The following CSMD1 variants were observed in gnomAD, a reference collection of about 807,000 sequenced individuals.
CSMD1 encodes the protein CUB and sushi domain-containing protein 1.
Under a neutral mutation model 417.5 loss-of-function variants are expected in CSMD1, and 213 were observed. The ratio of observed to expected loss-of-function variants is 0.51; its 90% confidence interval spans 0.46 to 0.57. The LOEUF (loss-of-function observed/expected upper bound fraction) is 0.57, where lower values mean the gene tolerates loss of function less well. Ranked by LOEUF, CSMD1 falls within the 20% of genes least tolerant of loss-of-function variation. CSMD1 has a pLI of 0.00. For missense variants in CSMD1, 6,923 were observed against 4,529.7 expected (o/e 1.53, Z -15.17); for synonymous variants, 2,862 against 1,736.8 (o/e 1.65, Z -16.11).
At chr8:4,183,523 C>T (rs561061993) in intron 3 of CSMD1, among the ~76,000 whole-genome samples, 11 of 152,262 alleles carry the variant, frequency 7.2e-5, no homozygotes, top group Non-Finnish European at 1.5e-4. Flanking sequence ...ACAGACATTA[C>T]TGGTTTATTT....
chr8:3,144,024 C>T (rs373125532), intron 40 of CSMD1, among the ~76,000 whole-genome samples: 2 of 152,280 alleles, frequency 1.3e-5, no homozygotes, highest in Admixed American at 6.5e-5. Flanking sequence ...TATGGAGAAA[C>T]TTGGCAGGGA....
At position 4,042,731 on chromosome 8, in the gene CSMD1, G is replaced by C. The variant is rs142777218; in HGVS notation, c.416-10632C>G. On this transcript the variant is annotated intron_variant, in intron 3 of 69. Coordinates refer to ENST00000635120, the MANE Select transcript of CSMD1 (RefSeq NM_033225.6). Reference sequence around the variant, plus strand: ...ATATGTAGAAGTGACAGAAATGACAGCAATACCACAGAGGCTGGGTAAGAA... The same window carrying C: ...ATATGTAGAAGTGACAGAAATGACACCAATACCACAGAGGCTGGGTAAGAA... Among the ~76,000 whole-genome samples the C allele has an allele frequency of 8.1e-5, 12 of 147,892 alleles. No homozygotes were observed. The East Asian group carries it at 1.0e-3, about 12-fold the overall frequency.
At chr8:4,137,114 T>C (rs1803487670) in intron 3 of CSMD1, among the ~76,000 whole-genome samples, 1 of 152,208 alleles carries the variant, frequency 6.6e-6, no homozygotes, top group Non-Finnish European at 1.5e-5. Context: ...ATTTTCAAAA[T>C]GTGGAACAGA....
chr8:3,146,500 G>A (rs1818853389), intron 40 of CSMD1, among the ~76,000 whole-genome samples: 1 of 152,156 alleles, frequency 6.6e-6, no homozygotes, highest in African/African-American at 2.4e-5. Flanking sequence ...TAAAAATAAG[G>A]AAACAAGTTT....
intron 5 of CSMD1, among the ~76,000 whole-genome samples, chr8:3,962,011 T>C (rs1035898796): frequency 6.6e-6 from 1 of 152,160 alleles, no homozygotes; most frequent in Non-Finnish European, 1.5e-5. Context: ...ACATGCGTGC[T>C]TGTGTCATCT....
intron 4 of CSMD1, among the ~76,000 whole-genome samples, chr8:4,028,499 C>CA (rs1797179227): frequency 6.7e-6 from 1 of 149,240 alleles, no homozygotes; most frequent in Admixed American, 6.7e-5. Flanking sequence ...TAACATTTTA[C>CA]AAAAAAAGGA....
At position 3,188,940 on chromosome 8, in the gene CSMD1, T is replaced by G; in HGVS notation, c.5470A>C (p.Asn1824His). 1 of 1,611,822 alleles carries G rather than the reference T, an allele frequency of 6.2e-7. No homozygotes were observed. The highest frequency in any genetic ancestry group is 8.5e-7 in the Non-Finnish European group (1 of 1,178,960). The change falls in exon 35 of 70, where the codon AAC becomes CAC. Residue 1824 changes from asparagine to histidine, a missense_variant. Coordinates refer to ENST00000635120, the MANE Select transcript of CSMD1 (RefSeq NM_033225.6). ...LSPGYPEPYG[N>H]NLNCIWKIIV... ...ATCTTCCATATACAGTTCAAGTTGT[T>G]TCCGTATGGCTCAGGGTAGCCGGGG...
chr8:3,456,075 T>G (rs931047385), intron 12 of CSMD1, among the ~76,000 whole-genome samples: 4 of 152,170 alleles, frequency 2.6e-5, no homozygotes, highest in African/African-American at 7.2e-5. Context: ...GTCTCAGCAA[T>G]GAGCAAGCCT....
At chr8:3,990,472 C>T (rs2554573) in intron 5 of CSMD1, among the ~76,000 whole-genome samples, 61,925 of 151,892 alleles carry the variant, frequency 0.41, 12,857 homozygotes, top group Middle Eastern at 0.48. Context: ...ATGTTTTCTT[C>T]TTCTCTGTTA....
chr8:3,385,161 C>T (rs577879832), intron 18 of CSMD1, among the ~76,000 whole-genome samples: 2 of 127,510 alleles, frequency 1.6e-5, no homozygotes, highest in East Asian at 4.4e-4. Context: ...ATATATAATA[C>T]ATAATATATA....
rs1484210177 is a variant in CSMD1 at position 4,753,444 on chromosome 8, CACAT to C, written c.86-115890_86-115887del. 2.9e-4 allele frequency among the ~76,000 whole-genome samples: 40 copies of C among 137,304 alleles called. 1 individual carries two copies. Among genetic ancestry groups the C allele is most frequent in the Non-Finnish European group, 5.2e-4 (32 of 62,046 alleles). The allele number at this position is 137,304 out of a possible 152,430, so 90.1% of individuals were successfully genotyped here. ...ACACACACACACACACACACACACACACATGCGCACACACTCCTTTGTGTCTTAT... is the reference window on the plus strand; with the variant it reads ...ACACACACACACACACACACACACACGCGCACACACTCCTTTGTGTCTTAT... On this transcript the variant is annotated intron_variant, in intron 1 of 69. Transcript: ENST00000635120.
intron 2 of CSMD1, among the ~76,000 whole-genome samples, chr8:4,441,115 T>TTTTTTTTTTTTTTTTTTTA (rs1563176345): frequency 1.4e-5 from 2 of 139,578 alleles, no homozygotes; most frequent in African/African-American, 5.2e-5. Flanking sequence ...TTTTTTTTTT[T>TTTTTTTTTTTTTTTTTTTA]TTTAAGAGAT....
intron 3 of CSMD1, among the ~76,000 whole-genome samples, chr8:4,047,276 G>A (rs757363990): frequency 6.6e-6 from 1 of 152,084 alleles, no homozygotes; most frequent in Non-Finnish European, 1.5e-5. Flanking sequence ...TTCTGGAGTG[G>A]GAGGAAGGGA....
At chr8:4,234,147 G>C (rs79540842) in intron 3 of CSMD1, among the ~76,000 whole-genome samples, 1 of 152,148 alleles carries the variant, frequency 6.6e-6, no homozygotes, top group Non-Finnish European at 1.5e-5. Flanking sequence ...ATTCTTCATA[G>C]GACTGAGCAC....
intron 23 of CSMD1, among the ~76,000 whole-genome samples, chr8:3,335,652 G>C (rs1030976017): frequency 7.2e-5 from 11 of 152,108 alleles, no homozygotes; most frequent in Non-Finnish European, 1.2e-4. Context: ...CTCCAGCCTG[G>C]GTGACAGAGT....
chr8:4,613,036 G>C (rs761225019), intron 2 of CSMD1, among the ~76,000 whole-genome samples: 3 of 152,142 alleles, frequency 2.0e-5, no homozygotes, highest in East Asian at 3.9e-4. Flanking sequence ...AAGGGGGCTA[G>C]AGGAACTTGT....
chr8:4,684,691 T>C (rs1023046586), intron 1 of CSMD1, among the ~76,000 whole-genome samples: 4 of 152,212 alleles, frequency 2.6e-5, no homozygotes, highest in African/African-American at 9.6e-5. Flanking sequence ...ACATCATACA[T>C]ACGCTTTCCC....
intron 4 of CSMD1, among the ~76,000 whole-genome samples, chr8:4,027,869 G>C (rs1197020246): frequency 1.3e-5 from 2 of 152,116 alleles, no homozygotes; most frequent in Non-Finnish European, 2.9e-5. Context: ...AATAAATAAA[G>C]AGAACAAAGA....
intron 11 of CSMD1, among the ~76,000 whole-genome samples, chr8:3,484,812 G>C (rs1047586901): frequency 2.0e-5 from 3 of 152,158 alleles, no homozygotes; most frequent in Non-Finnish European, 4.4e-5. Flanking sequence ...TAGTAAATAA[G>C]CATCTGACAA....
Sources: gnomAD v4.1 joint callset for allele counts (sites outside exome capture counted in the v4.1 genomes callset) on GRCh38, gnomAD v4.1.1 for gene constraint, MANE v1.5 for transcripts, NCBI Gene and HGNC (gene_info 2026-07-23, HGNC 2026-07-21) for gene names.